The following NCAM1 variants were observed in gnomAD, a reference collection of about 807,000 sequenced individuals.
The protein encoded by NCAM1 is neural cell adhesion molecule 1, also known as antigen recognized by monoclonal antibody 5.1H11.
Under a neutral mutation model 109.8 loss-of-function variants are expected in NCAM1, and 14 were observed. The ratio of observed to expected loss-of-function variants is 0.13; its 90% CI spans 0.08 to 0.20. NCAM1 has a LOEUF of 0.20. NCAM1 is among the 10% of genes least tolerant of loss of function. The pLI is 1.00. For missense variants in NCAM1, 774 were observed against 1,109.9 expected (o/e 0.70, Z 4.30); for synonymous variants, 418 against 442.9 (o/e 0.94, Z 0.70).
intron 9 of NCAM1, chr11:113,221,536 C>T (rs1202726721): frequency 6.0e-6 from 3 of 503,626 alleles, no homozygotes; most frequent in Non-Finnish European, 7.0e-6. Context: ...ATATTATTTC[C>T]TAAAACTGGA....
Position 113,276,704 on chromosome 11 carries a change from T to G in NCAM1, c.*1317T>G, listed in dbSNP as rs1409008661. On this transcript the variant is annotated 3_prime_UTR_variant, in exon 20 of 20. Transcript: ENST00000316851. ...TGTTGAAGTAAAGTAACATCGGCCT[T>G]CTGTTCACTTAGGCAGCATTTATAG... is the stretch of plus-strand genomic sequence containing the variant. 2 of 152,528 alleles carry G rather than the reference T, an allele frequency of 1.3e-5. No homozygotes were observed. Among genetic ancestry groups the G allele is most frequent in the Non-Finnish European group, 2.9e-5 (2 of 68,050 alleles). The allele number at this position is 152,528 out of a possible 1,614,324, so 9.4% of individuals were successfully genotyped here.
chr11:113,091,468 A>G (rs900853902), intron 1 of NCAM1, among the ~76,000 whole-genome samples: 10 of 152,214 alleles, frequency 6.6e-5, no homozygotes, highest in Non-Finnish European at 1.2e-4. Context: ...ATAGCAGCTT[A>G]TAATAACTGG....
intron 1 of NCAM1, among the ~76,000 whole-genome samples, chr11:113,144,775 G>A (rs1178962349): frequency 1.3e-5 from 2 of 152,206 alleles, no homozygotes; most frequent in African/African-American, 2.4e-5. Flanking sequence ...TACAGTACAT[G>A]TGTCAAAGAG....
chr11:113,134,233 G>C (rs73570726), intron 1 of NCAM1, among the ~76,000 whole-genome samples: 5,033 of 152,176 alleles, frequency 0.033, 257 homozygotes, highest in African/African-American at 0.11. Flanking sequence ...GACTCACATA[G>C]TATTTGTCTT....
chr11:113,241,616 T>G (rs1436166474), intron 14 of NCAM1, among the ~76,000 whole-genome samples: 1 of 152,194 alleles, frequency 6.6e-6, no homozygotes, highest in Non-Finnish European at 1.5e-5. Flanking sequence ...TCATTTCTGA[T>G]CTAATTAATG....
At chr11:112,974,794 C>G (rs1420093047) in intron 1 of NCAM1, among the ~76,000 whole-genome samples, 1 of 150,884 alleles carries the variant, frequency 6.6e-6, no homozygotes, top group African/African-American at 2.4e-5. Context: ...GGCTGCCACC[C>G]TCCTGTAGCT....
At position 113,177,719 on chromosome 11, in the gene NCAM1, G is replaced by T. The variant is rs868939477; in HGVS notation, c.53-24660G>T. Among the ~76,000 whole-genome samples the T allele has an allele frequency of 2.0e-4, 31 of 152,172 alleles. 1 individual carries two copies. The highest frequency in any genetic ancestry group is 1.0e-3 in the South Asian group (5 of 4,812). On this transcript the variant is annotated intron_variant, in intron 1 of 19. Transcript: ENST00000316851. Reference sequence around the variant, plus strand: ...AAAGTGCTGGGATTACAGGCATGAGGCACCGCACCTGGCAGAGAGCATCAT... The same window carrying T: ...AAAGTGCTGGGATTACAGGCATGAGTCACCGCACCTGGCAGAGAGCATCAT...
chr11:113,224,683 C>A lies in NCAM1; in HGVS notation c.1089+3358C>A, dbSNP rs182278318. Among the ~76,000 whole-genome samples, 530 of 152,332 alleles carry A rather than the reference C, an allele frequency of 3.5e-3. 7 individuals are homozygous for A. The highest frequency in any genetic ancestry group is 0.012 in the African/African-American group (508 of 41,576). On this transcript the variant is annotated intron_variant, in intron 9 of 19. Coordinates refer to ENST00000316851, the MANE Select transcript of NCAM1 (RefSeq NM_181351.5). Reference sequence around the variant, plus strand: ...AGTAGCCTAACTGGGAGGCACCCCCCAGTAGGGGCAGACTGACACCTCACA... The same window carrying A: ...AGTAGCCTAACTGGGAGGCACCCCCAAGTAGGGGCAGACTGACACCTCACA...
intron 1 of NCAM1, among the ~76,000 whole-genome samples, chr11:113,002,410 T>C (rs1331207590): frequency 6.6e-6 from 1 of 152,234 alleles, no homozygotes; most frequent in Non-Finnish European, 1.5e-5. Flanking sequence ...TTAGGTTGAA[T>C]TGAGAACAGC....
At chr11:113,154,515 G>T (rs2136296641) in intron 1 of NCAM1, among the ~76,000 whole-genome samples, 2 of 152,204 alleles carry the variant, frequency 1.3e-5, no homozygotes, top group South Asian at 4.1e-4. Context: ...AAATGAGATA[G>T]TGCATTACAA....
intron 1 of NCAM1, among the ~76,000 whole-genome samples, chr11:113,032,407 T>G (rs1262103166): frequency 6.6e-6 from 1 of 152,110 alleles, no homozygotes; most frequent in African/African-American, 2.4e-5. Context: ...CATTCAGGGA[T>G]TCAGGCACCT....
intron 1 of NCAM1, 125 bp from the exon 2 acceptor site, chr11:113,202,254 T>A (rs1346072947): frequency 2.0e-6 from 2 of 980,128 alleles, no homozygotes; most frequent in Non-Finnish European, 3.0e-6. Context: ...TAAAGTCAGT[T>A]GGGAAGCCTA....
intron 17 of NCAM1, 55 bp from the exon 18 acceptor site, chr11:113,270,131 GTC>G: frequency 1.3e-6 from 2 of 1,563,278 alleles, no homozygotes; most frequent in South Asian, 2.2e-5. Flanking sequence ...TGCTGGCAGG[GTC>G]TGGAGGTCTC....
chr11:113,231,859 G>A lies in NCAM1; in HGVS notation c.1240+64G>A, dbSNP rs1555117325. ...GCAAGGCAGGGTCAGGATGAGAGAG[G>A]AAAACATCAGCAAGGACCTATGTGC... On this transcript the variant is annotated intron_variant, in intron 10 of 19. Coordinates refer to ENST00000316851, the MANE Select transcript of NCAM1 (RefSeq NM_181351.5). 1.0e-5 allele frequency: 16 copies of A among 1,589,886 alleles called. No homozygotes were observed. The Admixed American group carries it at 2.5e-4, about 25-fold the overall frequency.
chr11:113,105,320 A>G (rs1240577856), intron 1 of NCAM1, among the ~76,000 whole-genome samples: 1 of 152,186 alleles, frequency 6.6e-6, no homozygotes, highest in Non-Finnish European at 1.5e-5. Context: ...TCATTTCTGT[A>G]TCCTGCTCTA....
chr11:113,240,567 G>A, intron 14 of NCAM1: 1 of 565,482 alleles, frequency 1.8e-6, no homozygotes, highest in Non-Finnish European at 3.1e-6. Flanking sequence ...TGAACTGCAG[G>A]GTTTGGCAGG....
chr11:113,126,029 T>A (rs1322411649), intron 1 of NCAM1, among the ~76,000 whole-genome samples: 1 of 151,394 alleles, frequency 6.6e-6, no homozygotes, highest in Non-Finnish European at 1.5e-5. Flanking sequence ...TGGTGGTGCA[T>A]GCCTGTAGTC....
intron 1 of NCAM1, among the ~76,000 whole-genome samples, chr11:113,181,219 C>G (rs1414119132): frequency 6.6e-6 from 1 of 152,118 alleles, no homozygotes; most frequent in Non-Finnish European, 1.5e-5. Flanking sequence ...TGGGAGAGCC[C>G]TGGGCAGCCT....
At chr11:113,166,209 A>G (rs1371767242) in intron 1 of NCAM1, among the ~76,000 whole-genome samples, 1 of 152,166 alleles carries the variant, frequency 6.6e-6, no homozygotes, top group East Asian at 1.9e-4. Context: ...TCAGAAAAAT[A>G]GCAAAAAGGC....
Sources: allele counts gnomAD v4.1 joint callset (sites outside exome capture counted in the v4.1 genomes callset), GRCh38; gene constraint gnomAD v4.1.1; transcripts MANE v1.5; gene names NCBI Gene and HGNC (gene_info 2026-07-23, HGNC 2026-07-21).